GSE1: variants seen among roughly 807,000 people sequenced by gnomAD.
GSE1 encodes the protein Gse1 coiled-coil protein.
In GSE1, 32 loss-of-function variants were observed where a neutral mutation model predicts 112.6. The ratio of observed to expected loss-of-function variants is 0.28; its 90% CI spans 0.21 to 0.38. The LOEUF is 0.38. Ranked by LOEUF, GSE1 falls within the 10% of genes least tolerant of loss-of-function variation. The pLI, the probability that GSE1 is intolerant of heterozygous loss-of-function variation, is 1.00. For synonymous variants in GSE1, 1,115 were observed against 735.6 expected, an observed-to-expected ratio of 1.52 and a Z score of -8.35; for missense variants, 2,348 against 1,699.2, an observed-to-expected ratio of 1.38 and a Z score of -6.71.
chr16:85,565,501 GC>G (rs1318705223), intron 1 of GSE1, among the ~76,000 whole-genome samples: 1 of 152,176 alleles, frequency 6.6e-6, no homozygotes, highest in African/African-American at 2.4e-5. Context: ...CCCCTGAGAA[GC>G]CCCCAGAGCT....
At chr16:85,338,558 G>A (rs1474073598) in intron 1 of GSE1, among the ~76,000 whole-genome samples, 1 of 152,256 alleles carries the variant, frequency 6.6e-6, no homozygotes, top group African/African-American at 2.4e-5. Context: ...CTTGAGCATT[G>A]CATGGCACAT....
At chr16:85,588,501 A>G (rs1426646820) in intron 1 of GSE1, among the ~76,000 whole-genome samples, 1 of 152,206 alleles carries the variant, frequency 6.6e-6, no homozygotes, top group East Asian at 1.9e-4. Context: ...TTCGGATGAC[A>G]TACAACCCCG....
intron 2 of GSE1, among the ~76,000 whole-genome samples, chr16:85,476,111 T>C (rs2050446623): frequency 6.6e-6 from 1 of 152,166 alleles, no homozygotes; most frequent in African/African-American, 2.4e-5. Context: ...TTAAAATTTT[T>C]TGTAGAGACG....
intron 2 of GSE1, among the ~76,000 whole-genome samples, chr16:85,363,159 G>C (rs776213687): frequency 2.0e-5 from 3 of 152,158 alleles, no homozygotes; most frequent in Non-Finnish European, 4.4e-5. Flanking sequence ...AATACAGATA[G>C]CAGATGCCAC....
intron 2 of GSE1, among the ~76,000 whole-genome samples, chr16:85,541,801 C>T (rs923504638): frequency 2.0e-5 from 3 of 152,180 alleles, no homozygotes; most frequent in African/African-American, 7.2e-5. Flanking sequence ...TCAGGGGCCA[C>T]GTCCCTGCCT....
chr16:85,448,894 G>T (rs565251447), intron 2 of GSE1, among the ~76,000 whole-genome samples: 3 of 152,342 alleles, frequency 2.0e-5, no homozygotes, highest in East Asian at 1.9e-4. Flanking sequence ...CTCCGGTTTT[G>T]GGTCAGAAAG....
rs745863746 is a variant in GSE1, at chr16:85,246,500, A to AC, written c.2283+74706dup. Among the ~76,000 whole-genome samples the AC allele has an allele frequency of 3.2e-3, 60 of 18,514 alleles. 6 individuals are homozygous for AC. Among genetic ancestry groups the AC allele is most frequent in the Non-Finnish European group, 4.3e-3 (40 of 9,222 alleles). 12.1% of individuals were successfully genotyped at this position (18,514 alleles called of 152,430 possible). A position where few individuals can be genotyped will look rare whatever the true frequency, so the allele number is the denominator to read the frequency against. ...ACACACACACACACACACTCTACAC[A>AC]CCCCCCCCCCCCCGACGCTGTCTGC... On this transcript the variant is annotated intron_variant, in intron 1 of 2. Transcript: ENST00000637419.
At chr16:85,617,725 C>G (rs1000316825) in intron 1 of GSE1, among the ~76,000 whole-genome samples, 5 of 151,706 alleles carry the variant, frequency 3.3e-5, no homozygotes, top group African/African-American at 1.2e-4. Flanking sequence ...CCCCCCTAAT[C>G]CAGAAGGGCC....
intron 1 of GSE1, among the ~76,000 whole-genome samples, chr16:85,332,771 C>T (rs1164093930): frequency 6.6e-6 from 1 of 152,162 alleles, no homozygotes; most frequent in East Asian, 1.9e-4. Flanking sequence ...CTCTGAAACG[C>T]CCTTTCTCCC....
chr16:85,375,829 T>A (rs1398474693), intron 2 of GSE1, among the ~76,000 whole-genome samples: 1 of 152,192 alleles, frequency 6.6e-6, no homozygotes, highest in Non-Finnish European at 1.5e-5. Flanking sequence ...CCAAGTGAGA[T>A]ACTGGAAGGG....
chr16:85,620,912 T>G (rs1362679122), intron 1 of GSE1, among the ~76,000 whole-genome samples: 1 of 151,946 alleles, frequency 6.6e-6, no homozygotes, highest in African/African-American at 2.4e-5. Flanking sequence ...CTCTGCTCTG[T>G]TGGGGAAGCC....
chr16:85,642,893 G>C (rs1186379008), intron 2 of GSE1, among the ~76,000 whole-genome samples: 1 of 152,144 alleles, frequency 6.6e-6, no homozygotes, highest in African/African-American at 2.4e-5. Context: ...CTGTGGCTTT[G>C]GGGCCTGACC....
chr16:85,654,145 G>C, intron 3 of GSE1, 133 bp from the exon 4 acceptor site: 1 of 803,868 alleles, frequency 1.2e-6, no homozygotes, highest in Non-Finnish European at 2.0e-6. Context: ...TGCGTAGAAA[G>C]CCTTAGGGAA....
At chr16:85,415,776 A>G (rs375174310) in intron 2 of GSE1, among the ~76,000 whole-genome samples, 3 of 152,350 alleles carry the variant, frequency 2.0e-5, no homozygotes. Context: ...CCAAGCTGGC[A>G]GTGACAGTTT....
rs1003818535 is a variant in GSE1 at position 85,452,143 on chromosome 16, G to A, written c.2464+94500G>A. Among the ~76,000 whole-genome samples the A allele has an allele frequency of 1.9e-3, 286 of 152,318 alleles. 1 individual carries two copies. The highest frequency in any genetic ancestry group is 6.8e-3 in the Middle Eastern group (2 of 294). ...ATAATTGGATTTTAATGAAACGAAT[G>A]GGAGTGCTGAAGCCGTTTGCCACCC... On this transcript the variant is annotated intron_variant, in intron 2 of 2. Coordinates refer to the GSE1 transcript ENST00000637419.
intron 15 of GSE1, chr16:85,672,038 A>T: frequency 4.5e-6 from 1 of 224,118 alleles, no homozygotes; most frequent in East Asian, 1.3e-4. Context: ...TCACTCTGTC[A>T]CCCAAGCTGG....
chr16:85,523,856 G>A (rs1490603955), intron 2 of GSE1, among the ~76,000 whole-genome samples: 4 of 152,258 alleles, frequency 2.6e-5, no homozygotes, highest in South Asian at 4.1e-4. Flanking sequence ...GCTCTTGCCT[G>A]GAGGGCAGTG....
chr16:85,190,514 AT>A (rs1301700195), intron 1 of GSE1, among the ~76,000 whole-genome samples: 1 of 152,210 alleles, frequency 6.6e-6, no homozygotes, highest in African/African-American at 2.4e-5. Context: ...TTGTCTTTGT[AT>A]TTTTAACAAA....
rs143763966 is a variant in GSE1, at chr16:85,517,778, G to A, written c.2465-116136G>A. On this transcript the variant is annotated intron_variant, in intron 2 of 2. Coordinates refer to the GSE1 transcript ENST00000637419. Reference sequence around the variant, plus strand: ...TATTAATATTTTCTAAGGGAGCCCCGTGCACGGAGCCAGTGTCCGCCTCAT... The same window carrying A: ...TATTAATATTTTCTAAGGGAGCCCCATGCACGGAGCCAGTGTCCGCCTCAT... Among the ~76,000 whole-genome samples, 488 of 152,362 alleles carry A rather than the reference G, an allele frequency of 3.2e-3. 5 individuals carry two copies. Among genetic ancestry groups the A allele is most frequent in the African/African-American group, 0.011 (474 of 41,596 alleles).
Sources: allele counts gnomAD v4.1 joint callset (sites outside exome capture counted in the v4.1 genomes callset), GRCh38; gene constraint gnomAD v4.1.1; transcripts MANE v1.5; gene names NCBI Gene and HGNC (gene_info 2026-07-23, HGNC 2026-07-21).